Variants in ATP6V1H observed in about 807,000 individuals in gnomAD.
The protein encoded by ATP6V1H is V-type proton ATPase subunit H.
Under a neutral mutation model 71.7 loss-of-function variants are expected in ATP6V1H, and 39 were observed. The observed-to-expected ratio is 0.54, with a 90% CI of 0.42 to 0.71. The LOEUF (loss-of-function observed/expected upper bound fraction) is 0.71, where lower values mean the gene tolerates loss of function less well. Ranked by LOEUF, ATP6V1H falls within the 30% of genes least tolerant of loss-of-function variation. The probability of loss-of-function intolerance (pLI) is 0.00; values close to 1 mark genes in which losing one functional copy is unlikely to be tolerated. For synonymous variants in ATP6V1H, 192 were observed against 199.3 expected (o/e 0.96, Z 0.31); for missense variants, 509 against 594.9 (o/e 0.86, Z 1.50).
intron 13 of ATP6V1H, among the ~76,000 whole-genome samples, chr8:53,731,796 C>G (rs1221359676): frequency 6.6e-6 from 1 of 152,228 alleles, no homozygotes; most frequent in Non-Finnish European, 1.5e-5. Flanking sequence ...AGAGGTAGCC[C>G]CTTAGGTGGC....
chr8:53,783,631 G>T (rs1158318265), intron 9 of ATP6V1H, among the ~76,000 whole-genome samples: 1 of 152,102 alleles, frequency 6.6e-6, no homozygotes, highest in African/African-American at 2.4e-5. Context: ...TAATTGTGTT[G>T]TTAGGGTGTC....
At chr8:53,779,131 T>A (rs111586051) in intron 9 of ATP6V1H, among the ~76,000 whole-genome samples, 1 of 152,132 alleles carries the variant, frequency 6.6e-6, no homozygotes, top group Non-Finnish European at 1.5e-5. Context: ...CAGCAATTGA[T>A]AGAACCACTA....
chr8:53,773,509 C>T (rs2130328239), intron 9 of ATP6V1H, among the ~76,000 whole-genome samples: 1 of 152,244 alleles, frequency 6.6e-6, no homozygotes, highest in East Asian at 1.9e-4. Flanking sequence ...AGGAACAATA[C>T]AAATACGTTC....
intron 12 of ATP6V1H, chr8:53,756,351 G>A: frequency 5.7e-6 from 2 of 353,294 alleles, no homozygotes; most frequent in Non-Finnish European, 1.0e-5. Context: ...CAAAGTGGTG[G>A]TATTACAGGC....
intron 10 of ATP6V1H, among the ~76,000 whole-genome samples, chr8:53,771,488 G>T (rs113821486): frequency 6.6e-6 from 1 of 152,250 alleles, no homozygotes; most frequent in Admixed American, 6.5e-5. Flanking sequence ...ACCCGAGGGA[G>T]AGTGAGGCGA....
chr8:53,755,323 A>G (rs1270335124), intron 12 of ATP6V1H, among the ~76,000 whole-genome samples: 1 of 152,066 alleles, frequency 6.6e-6, no homozygotes. Flanking sequence ...ACTATTTTTT[A>G]ACCATCCCTT....
intron 13 of ATP6V1H, among the ~76,000 whole-genome samples, chr8:53,726,749 C>A (rs1194505884): frequency 6.6e-6 from 1 of 152,138 alleles, no homozygotes; most frequent in African/African-American, 2.4e-5. Context: ...AATGCTAATT[C>A]TCTTCCCTCC....
chr8:53,774,012 A>G (rs1216170020), intron 9 of ATP6V1H, among the ~76,000 whole-genome samples: 2 of 152,196 alleles, frequency 1.3e-5, no homozygotes, highest in African/African-American at 4.8e-5. Context: ...AAATGAATAG[A>G]GGCTCAGTAA....
At position 53,715,830 on chromosome 8, in the gene ATP6V1H, G is replaced by T; in HGVS notation, c.*134C>A. The T allele has an allele frequency of 1.6e-6, 1 of 633,540 alleles. No individual in the cohort carries two copies. Among genetic ancestry groups the T allele is most frequent in the South Asian group, 3.4e-5 (1 of 29,576 alleles). 39.2% of individuals were successfully genotyped at this position (633,540 alleles called of 1,614,324 possible). A position where few individuals can be genotyped will look rare whatever the true frequency, so the allele number is the denominator to read the frequency against. Reference sequence around the variant, plus strand: ...CATGTTATTTTGTTGTTGTTGTTTGGAAATTAGCATTGGGAAAAGCTATAT... The same window carrying T: ...CATGTTATTTTGTTGTTGTTGTTTGTAAATTAGCATTGGGAAAAGCTATAT... On this transcript the variant is annotated 3_prime_UTR_variant, in exon 14 of 14. Transcript: ENST00000359530.
chr8:53,783,418 T>A (rs1439674823), intron 9 of ATP6V1H, among the ~76,000 whole-genome samples: 1 of 152,216 alleles, frequency 6.6e-6, no homozygotes, highest in East Asian at 1.9e-4. Context: ...TTGTGTCTAT[T>A]TGATTCTTCT....
At chr8:53,788,208 T>C (rs913087448) in intron 9 of ATP6V1H, among the ~76,000 whole-genome samples, 1 of 152,186 alleles carries the variant, frequency 6.6e-6, no homozygotes. Flanking sequence ...AATAAGTGCA[T>C]TACCCCAAAT....
At chr8:53,717,053 A>G (rs1022304911) in intron 13 of ATP6V1H, among the ~76,000 whole-genome samples, 2 of 152,176 alleles carry the variant, frequency 1.3e-5, no homozygotes, top group South Asian at 4.1e-4. Flanking sequence ...AGCATCAGGT[A>G]CACTGTCAAT....
intron 9 of ATP6V1H, among the ~76,000 whole-genome samples, chr8:53,784,821 T>A (rs1367608182): frequency 1.3e-5 from 2 of 152,216 alleles, no homozygotes; most frequent in Non-Finnish European, 2.9e-5. Flanking sequence ...GGATATGAAA[T>A]TCTGGGTTGA....
intron 12 of ATP6V1H, among the ~76,000 whole-genome samples, chr8:53,748,785 T>C (rs1807696340): frequency 6.6e-6 from 1 of 152,242 alleles, no homozygotes; most frequent in Non-Finnish European, 1.5e-5. Flanking sequence ...TTCTGTATTT[T>C]TCAAGTTTTC....
intron 13 of ATP6V1H, among the ~76,000 whole-genome samples, chr8:53,729,617 G>A (rs1295684812): frequency 6.6e-6 from 1 of 152,226 alleles, no homozygotes; most frequent in African/African-American, 2.4e-5. Flanking sequence ...GGAAGGGAGT[G>A]TGGAATGGAG....
chr8:53,796,976 G>C (rs533689128), intron 8 of ATP6V1H, among the ~76,000 whole-genome samples: 1 of 152,192 alleles, frequency 6.6e-6, no homozygotes, highest in Non-Finnish European at 1.5e-5. Flanking sequence ...ATGTTCTCAT[G>C]CATGGCTTTT....
At chr8:53,836,912 G>A (rs549095420) in intron 2 of ATP6V1H, among the ~76,000 whole-genome samples, 46 of 152,130 alleles carry the variant, frequency 3.0e-4, no homozygotes, top group Non-Finnish European at 6.0e-4. Flanking sequence ...AGACAGAGCC[G>A]GGTGGATCAC....
At chr8:53,775,622 C>G (rs994812641) in intron 9 of ATP6V1H, among the ~76,000 whole-genome samples, 1 of 152,116 alleles carries the variant, frequency 6.6e-6, no homozygotes, top group African/African-American at 2.4e-5. Context: ...AAACCTTGAG[C>G]TAGACACAGG....
Position 53,776,162 on chromosome 8 carries a change from A to G in ATP6V1H, c.871-3995T>C, listed in dbSNP as rs566587503. On this transcript the variant is annotated intron_variant, in intron 9 of 13. Coordinates refer to ENST00000359530, the MANE Select transcript of ATP6V1H (RefSeq NM_015941.4). Reference sequence around the variant, plus strand: ...CCGGGTGCTAAGTCCGTCATTGCCCAGGGCCAGCAGGGCCGGCCGGCTGCT... The same window carrying G: ...CCGGGTGCTAAGTCCGTCATTGCCCGGGGCCAGCAGGGCCGGCCGGCTGCT... Among the ~76,000 whole-genome samples, 337 of 152,274 alleles carry G rather than the reference A, an allele frequency of 2.2e-3. 2 individuals are homozygous for G. Among genetic ancestry groups the G allele is most frequent in the African/African-American group, 7.8e-3 (326 of 41,558 alleles).
Sources: allele counts gnomAD v4.1 joint callset (sites outside exome capture counted in the v4.1 genomes callset), GRCh38; gene constraint gnomAD v4.1.1; transcripts MANE v1.5; gene names NCBI Gene and HGNC (gene_info 2026-07-23, HGNC 2026-07-21).